The following CNDP1 variants were observed in gnomAD, a reference collection of about 807,000 sequenced individuals.
CNDP1 encodes beta-Ala-His dipeptidase.
Under a neutral mutation model 58.1 loss-of-function variants are expected in CNDP1, and 44 were observed. That is an observed-to-expected ratio of 0.76 (90% confidence interval 0.60 to 0.97). The LOEUF is 0.97. Among genes scored for constraint, CNDP1 ranks in the 50% least tolerant of loss-of-function variants. The pLI is 0.00. For missense variants in CNDP1, 616 were observed against 655.1 expected (o/e 0.94, Z 0.65); for synonymous variants, 254 against 252.6 (o/e 1.01, Z -0.05).
intron 1 of CNDP1, among the ~76,000 whole-genome samples, chr18:74,535,261 T>C (rs1980458103): frequency 6.6e-6 from 1 of 152,214 alleles, no homozygotes; most frequent in Non-Finnish European, 1.5e-5. Context: ...TGGGGTTGTG[T>C]TCCAGACTAC....
In CNDP1 at chr18:74,562,048, G is replaced by C. The variant is rs778695428; in HGVS notation, c.468G>C (p.Gly156=). The change falls in exon 5 of 12, where the codon GGG becomes GGC. Residue 156 remains glycine, a splice_region_variant and synonymous_variant. Transcript: ENST00000358821. ...TDPYVLTEVD[G]KLYGRGATDN... Reference sequence around the variant, plus strand: ...AACATTCTTCTCCCCTTTTTAAAGGGAAACTTTATGGACGAGGAGCGACCG... The same window carrying C: ...AACATTCTTCTCCCCTTTTTAAAGGCAAACTTTATGGACGAGGAGCGACCG... The C allele has an allele frequency of 6.2e-7, 1 of 1,613,926 alleles. No homozygotes were observed. Among genetic ancestry groups the C allele is most frequent in the Non-Finnish European group, 8.5e-7 (1 of 1,179,860 alleles).
In CNDP1 at chr18:74,559,518, G is replaced by A. The variant is rs761084773; in HGVS notation, c.303+46G>A. 3.9e-5 allele frequency: 61 copies of A among 1,566,802 alleles called. 2 individuals are homozygous for A. The highest frequency in any genetic ancestry group is 2.8e-4 in the South Asian group (25 of 87,924). ...ACTGAGGGAGGTGCTACTTCTAGAC[G>A]TCAGTCATGCCTTCCCGGGGGTGGC... On this transcript the variant is annotated intron_variant, in intron 3 of 11. Transcript: ENST00000358821.
intron 7 of CNDP1, among the ~76,000 whole-genome samples, chr18:74,571,723 C>T (rs1250405690): frequency 1.3e-5 from 2 of 152,174 alleles, no homozygotes; most frequent in Non-Finnish European, 2.9e-5. Flanking sequence ...GGGAAAGGAA[C>T]TAAGCGACAC....
chr18:74,546,155 C>T (rs1189315898), intron 1 of CNDP1, among the ~76,000 whole-genome samples: 1 of 152,238 alleles, frequency 6.6e-6, no homozygotes, highest in Non-Finnish European at 1.5e-5. Flanking sequence ...CATTGTGCTA[C>T]AAGCCACTGT....
At chr18:74,557,413 T>C (rs2144653357) in intron 2 of CNDP1, among the ~76,000 whole-genome samples, 1 of 151,666 alleles carries the variant, frequency 6.6e-6, no homozygotes. Context: ...AGGTTGGGAG[T>C]GGGGGTAAAG....
At chr18:74,579,996 A>G in intron 9 of CNDP1, 134 bp from the exon 10 acceptor site, 1 of 753,246 alleles carries the variant, frequency 1.3e-6, no homozygotes, top group Admixed American at 2.6e-5. Context: ...TGCGTGTGTC[A>G]GGCTGGGGCT....
At chr18:74,569,830 C>T (rs1189835812) in intron 6 of CNDP1, among the ~76,000 whole-genome samples, 5 of 152,076 alleles carry the variant, frequency 3.3e-5, no homozygotes, top group Admixed American at 3.3e-4. Context: ...TGTGGTATAC[C>T]TAGCCAATAT....
At chr18:74,561,862 A>C in intron 4 of CNDP1, 185 bp from the exon 5 acceptor site, 1 of 512,870 alleles carries the variant, frequency 1.9e-6, no homozygotes, top group Non-Finnish European at 3.5e-6. Context: ...AGATCCAAGG[A>C]TCTCTTATGT....
chr18:74,565,068 A>G (rs975828211), intron 5 of CNDP1, among the ~76,000 whole-genome samples: 24 of 152,234 alleles, frequency 1.6e-4, no homozygotes, highest in African/African-American at 5.8e-4. Flanking sequence ...ACATGGCAGC[A>G]GCAAGAGTAA....
rs1184255646 is a variant in CNDP1 at position 74,555,801 on chromosome 18, A to G, written c.25-537A>G. ...CTCGACCTCCCAAAGTACTGGGATT[A>G]CAGGCATGAACCACCACCTCAGACG... On this transcript the variant is annotated intron_variant, in intron 1 of 11. Coordinates refer to ENST00000358821, the MANE Select transcript of CNDP1 (RefSeq NM_032649.6). Among the ~76,000 whole-genome samples the G allele has an allele frequency of 2.0e-5, 3 of 152,166 alleles. No homozygotes were observed. The East Asian group carries it at 5.8e-4, about 29-fold the overall frequency.
intron 1 of CNDP1, among the ~76,000 whole-genome samples, chr18:74,552,655 A>G (rs774560466): frequency 5.3e-5 from 8 of 152,240 alleles, no homozygotes; most frequent in Non-Finnish European, 1.0e-4. Context: ...AGTGAAATAT[A>G]CCACATTTTA....
chr18:74,579,180 T>TG (rs1981713014), intron 9 of CNDP1, among the ~76,000 whole-genome samples: 2 of 123,434 alleles, frequency 1.6e-5, no homozygotes, highest in African/African-American at 3.0e-5. Context: ...CCTTCTCCCT[T>TG]CTCCCTTTCC....
chr18:74,558,897 G>A (rs1236661669), intron 2 of CNDP1, among the ~76,000 whole-genome samples: 1 of 152,170 alleles, frequency 6.6e-6, no homozygotes, highest in Non-Finnish European at 1.5e-5. Flanking sequence ...AGAGGCCCCT[G>A]TGGGGTTCAG....
chr18:74,564,267 G>T (rs1204484333), intron 5 of CNDP1, among the ~76,000 whole-genome samples: 2 of 152,118 alleles, frequency 1.3e-5, no homozygotes, highest in African/African-American at 4.8e-5. Flanking sequence ...TCTAGGAAAA[G>T]ACTTTGACCT....
chr18:74,581,980 A>G (rs1416686764), intron 10 of CNDP1, among the ~76,000 whole-genome samples: 1 of 152,270 alleles, frequency 6.6e-6, no homozygotes, highest in Non-Finnish European at 1.5e-5. Flanking sequence ...CAGGGTTATC[A>G]GTACAAGGGA....
At chr18:74,537,610 T>C (rs1415742836) in intron 1 of CNDP1, among the ~76,000 whole-genome samples, 2 of 152,118 alleles carry the variant, frequency 1.3e-5, no homozygotes, top group South Asian at 2.1e-4. Context: ...TGGATGAGGT[T>C]TGGGGAGCTG....
In CNDP1 at chr18:74,583,606, C is replaced by T; in HGVS notation, c.1355C>T (p.Pro452Leu). 3.7e-6 allele frequency: 6 copies of T among 1,614,082 alleles called. No individual in the cohort carries two copies. The highest frequency in any genetic ancestry group is 5.1e-6 in the Non-Finnish European group (6 of 1,179,970). The part of the protein sequence containing the change: ...PDMIRDGSTI[P>L]IAKMFQEIVH... ...ATGATCCGGGATGGATCCACCATTC[C>T]AATTGCCAAAATGTTCCAGGAGATC... Residue 452 changes from proline to leucine, a missense_variant, in exon 11 of 12, where the codon CCA becomes CTA. Physicochemically the swap from Pro to Leu is moderately conservative, Grantham distance 98. Transcript: ENST00000358821.
intron 7 of CNDP1, among the ~76,000 whole-genome samples, chr18:74,573,601 A>C (rs551962441): frequency 6.6e-6 from 1 of 152,378 alleles, no homozygotes; most frequent in South Asian, 2.1e-4. Context: ...AATGGTTTCC[A>C]GAAGAATCAG....
chr18:74,576,453 C>T (rs1981639191), intron 7 of CNDP1: 1 of 153,534 alleles, frequency 6.5e-6, no homozygotes, highest in Non-Finnish European at 1.5e-5. Flanking sequence ...ATGTGAGCCA[C>T]CGCACCCAGC....
Sources: allele counts gnomAD v4.1 joint callset (sites outside exome capture counted in the v4.1 genomes callset), GRCh38; gene constraint gnomAD v4.1.1; transcripts MANE v1.5; gene names NCBI Gene and HGNC (gene_info 2026-07-23, HGNC 2026-07-21).